CLRN1: variants seen among roughly 807,000 people sequenced by gnomAD.
CLRN1 encodes clarin-1.
CLRN1 carries 15 observed loss-of-function variants against 18.7 expected under a neutral mutation model. That is an observed-to-expected ratio of 0.80 (90% CI 0.54 to 1.23). The LOEUF (loss-of-function observed/expected upper bound fraction) is 1.23. CLRN1 is among the 50% of genes most tolerant of loss of function. The pLI, the probability that CLRN1 is intolerant of heterozygous loss-of-function variation, is 0.00. For synonymous variants in CLRN1, 104 were observed against 102.9 expected (o/e 1.01, Z -0.07); for missense variants, 311 against 277.5 (o/e 1.12, Z -0.86).
chr3:150,929,492 G>C (rs537515386), intron 2 of CLRN1, among the ~76,000 whole-genome samples: 21 of 152,264 alleles, frequency 1.4e-4, no homozygotes, highest in African/African-American at 5.1e-4. Context: ...ACCAATTTGG[G>C]TTCAAACCCT....
chr3:150,953,915 A>G (rs2107971050), intron 1 of CLRN1, among the ~76,000 whole-genome samples: 1 of 152,246 alleles, frequency 6.6e-6, no homozygotes, highest in East Asian at 1.9e-4. Context: ...TCAAAAGACC[A>G]AGGCACAGAG....
In CLRN1 at chr3:150,941,427, C is replaced by T. The variant is rs1049943968; in HGVS notation, c.433+155G>A. 15 of 722,734 alleles carry T rather than the reference C, an allele frequency of 2.1e-5. No individual in the cohort carries two copies. The South Asian group carries it at 2.2e-4, about 11-fold the overall frequency. 44.8% of individuals were successfully genotyped at this position (722,734 alleles called of 1,614,324 possible). A position where few individuals can be genotyped will look rare whatever the true frequency, so the allele number is the denominator to read the frequency against. On this transcript the variant is annotated intron_variant, in intron 2 of 2. Transcript: ENST00000327047. ...ATTTATTGAATTCCCTACTGTTGAGCAAGTGTGGTATTTCCACACTTTTTG... is the reference window on the plus strand; with the variant it reads ...ATTTATTGAATTCCCTACTGTTGAGTAAGTGTGGTATTTCCACACTTTTTG...
chr3:150,942,037 G>A (rs1175757190), intron 1 of CLRN1, among the ~76,000 whole-genome samples: 1 of 151,342 alleles, frequency 6.6e-6, no homozygotes, highest in Non-Finnish European at 1.5e-5. Flanking sequence ...AATAAGTTCT[G>A]GCTTTATAAC....
intron 2 of CLRN1, 39 bp from the exon 3 acceptor site, chr3:150,928,240 CT>C: frequency 6.2e-7 from 1 of 1,612,014 alleles, no homozygotes; most frequent in Admixed American, 1.7e-5. Context: ...CAAATATTTC[CT>C]GATTGTAAGG....
intron 1 of CLRN1, among the ~76,000 whole-genome samples, chr3:150,943,208 C>A (rs1713960342): frequency 6.6e-6 from 1 of 152,212 alleles, no homozygotes; most frequent in Non-Finnish European, 1.5e-5. Context: ...CCTGGAAAAA[C>A]CTCACTTTTG....
At chr3:150,955,911 A>G (rs1714715284) in intron 1 of CLRN1, among the ~76,000 whole-genome samples, 1 of 152,196 alleles carries the variant, frequency 6.6e-6, no homozygotes, top group Non-Finnish European at 1.5e-5. Context: ...TATAAAAAGC[A>G]AAATTTTTCT....
intron 1 of CLRN1, among the ~76,000 whole-genome samples, chr3:150,959,432 C>T (rs2077456645): frequency 6.6e-6 from 1 of 151,986 alleles, no homozygotes; most frequent in Admixed American, 6.6e-5. Context: ...AGTTCAAGAC[C>T]AGCCTGGCCA....
chr3:150,950,479 T>A (rs1182468615), intron 1 of CLRN1, among the ~76,000 whole-genome samples: 1 of 151,928 alleles, frequency 6.6e-6, no homozygotes, highest in Non-Finnish European at 1.5e-5. Flanking sequence ...ACAACCCCAT[T>A]AAAAAGTGGG....
At chr3:150,943,199 CT>C (rs1188193562) in intron 1 of CLRN1, among the ~76,000 whole-genome samples, 1 of 152,192 alleles carries the variant, frequency 6.6e-6, no homozygotes, top group Non-Finnish European at 1.5e-5. Flanking sequence ...GGGCAGGTCC[CT>C]GGAAAAACCT....
At chr3:150,954,007 G>A (rs1714617635) in intron 1 of CLRN1, among the ~76,000 whole-genome samples, 1 of 152,160 alleles carries the variant, frequency 6.6e-6, no homozygotes, top group Admixed American at 6.6e-5. Flanking sequence ...AGTAAAATTA[G>A]CAGAGCATAA....
chr3:150,969,940 A>T (rs1433160483), intron 1 of CLRN1, among the ~76,000 whole-genome samples: 6 of 152,172 alleles, frequency 3.9e-5, no homozygotes, highest in Non-Finnish European at 7.3e-5. Flanking sequence ...ACTGGCCACG[A>T]AGTGATTGTT....
At chr3:150,929,790 C>T (rs1460870754) in intron 2 of CLRN1, among the ~76,000 whole-genome samples, 1 of 152,208 alleles carries the variant, frequency 6.6e-6, no homozygotes, top group South Asian at 2.1e-4. Flanking sequence ...ATCCTCAGCC[C>T]ACCCCATATC....
chr3:150,936,003 T>C (rs1713463186), intron 2 of CLRN1, among the ~76,000 whole-genome samples: 1 of 152,066 alleles, frequency 6.6e-6, no homozygotes, highest in Admixed American at 6.6e-5. Flanking sequence ...TTTGTTTTTT[T>C]CTTGTAAATT....
chr3:150,930,432 C>T (rs1303448332), intron 2 of CLRN1, among the ~76,000 whole-genome samples: 2 of 152,046 alleles, frequency 1.3e-5, no homozygotes, highest in Non-Finnish European at 2.9e-5. Context: ...ATAGGACTGG[C>T]CAATCAGCTT....
intron 1 of CLRN1, among the ~76,000 whole-genome samples, chr3:150,967,232 AT>A (rs1442662151): frequency 6.6e-6 from 1 of 152,208 alleles, no homozygotes; most frequent in East Asian, 1.9e-4. Context: ...GGAAATACAC[AT>A]TCTCAAATAT....
chr3:150,966,033 G>A (rs1286787727), intron 1 of CLRN1, among the ~76,000 whole-genome samples: 2 of 152,224 alleles, frequency 1.3e-5, no homozygotes, highest in Non-Finnish European at 2.9e-5. Flanking sequence ...GAATGCCCTT[G>A]GAGAGGTCAG....
chr3:150,942,521 A>G (rs1395583838), intron 1 of CLRN1: 2 of 421,328 alleles, frequency 4.7e-6, no homozygotes, highest in East Asian at 7.9e-5. Flanking sequence ...CCAAACATGT[A>G]TCAAGTGCTT....
chr3:150,934,671 G>A (rs1713354321), intron 2 of CLRN1, among the ~76,000 whole-genome samples: 1 of 151,956 alleles, frequency 6.6e-6, no homozygotes, highest in African/African-American at 2.4e-5. Context: ...CCCATCAACT[G>A]GGAAACACCT....
intron 1 of CLRN1, chr3:150,944,206 G>A: frequency 5.8e-6 from 2 of 346,044 alleles, no homozygotes; most frequent in South Asian, 5.1e-5. Context: ...ATGAGCCAGT[G>A]CAGTGGAGCC....
Sources: gnomAD v4.1 joint callset for allele counts (sites outside exome capture counted in the v4.1 genomes callset) on GRCh38, gnomAD v4.1.1 for gene constraint, MANE v1.5 for transcripts, NCBI Gene and HGNC (gene_info 2026-07-23, HGNC 2026-07-21) for gene names.